Variants in PHLDB1 observed in about 807,000 individuals in gnomAD.
PHLDB1 encodes the protein pleckstrin homology-like domain family B member 1.
Under a neutral mutation model 139.3 loss-of-function variants are expected in PHLDB1, and 65 were observed. The ratio of observed to expected loss-of-function variants is 0.47; its 90% CI spans 0.38 to 0.57. The LOEUF (loss-of-function observed/expected upper bound fraction) is 0.57, where lower values mean the gene tolerates loss of function less well. PHLDB1 is among the 20% of genes least tolerant of loss of function. PHLDB1 has a pLI of 0.00. For synonymous variants in PHLDB1, 679 were observed against 734.5 expected (o/e 0.92, Z 1.22); for missense variants, 1,624 against 1,839.7 (o/e 0.88, Z 2.14).
chr11:118,618,041 A>G (rs940687605), intron 4 of PHLDB1, among the ~76,000 whole-genome samples: 4 of 151,960 alleles, frequency 2.6e-5, no homozygotes, highest in African/African-American at 9.7e-5. Context: ...TTTCCAATGC[A>G]TCATTTAGCT....
chr11:118,641,440 G>A (rs1946498729), intron 12 of PHLDB1: 4 of 248,080 alleles, frequency 1.6e-5, no homozygotes, highest in Non-Finnish European at 3.1e-5. Flanking sequence ...CTGGGGAGGG[G>A]CACGCCTTCT....
intron 17 of PHLDB1, 127 bp from the exon 18 acceptor site, chr11:118,647,803 A>G: frequency 1.0e-6 from 1 of 978,296 alleles, no homozygotes. Context: ...GTGGGCTTTG[A>G]AGATGATGCC....
rs1446602842 is a variant in PHLDB1 at position 118,608,528 on chromosome 11, G to A, written c.-22+829G>A. ...GGCTCGAGTGGGGACTTGGCCGGGC[G>A]ACCGCACAGCCCTGCCGGGGACCCA... On this transcript the variant is annotated intron_variant, in intron 1 of 22. Transcript: ENST00000600882. The surrounding 1 kb of genome is among the most constrained non-coding windows in gnomAD (Gnocchi z 6.7). Among the ~76,000 whole-genome samples, 1 of 152,106 alleles carries A rather than the reference G, an allele frequency of 6.6e-6. No homozygotes were observed. The highest frequency in any genetic ancestry group is 6.5e-5 in the Admixed American group (1 of 15,278).
chr11:118,607,216 T>G (rs1272380740), upstream of PHLDB1, among the ~76,000 whole-genome samples: 1 of 147,548 alleles, frequency 6.8e-6, no homozygotes, highest in Non-Finnish European at 1.5e-5. Flanking sequence ...AGGGGAGAGT[T>G]TGGGGGAGGG....
chr11:118,656,548 G>A, intron 22 of PHLDB1, 135 bp from the exon 23 acceptor site: 1 of 734,046 alleles, frequency 1.4e-6, no homozygotes, highest in Non-Finnish European at 2.3e-6. Flanking sequence ...TAGGGTCTAG[G>A]CTCTGGACCT....
At chr11:118,629,465 T>C (rs1392476600) in intron 6 of PHLDB1, among the ~76,000 whole-genome samples, 1 of 152,180 alleles carries the variant, frequency 6.6e-6, no homozygotes, top group Non-Finnish European at 1.5e-5. Flanking sequence ...GTCGAGCCCA[T>C]GTACAGAAGA....
At position 118,642,294 on chromosome 11, in the gene PHLDB1, G is replaced by A. The variant is rs1488756093; in HGVS notation, c.2777G>A (p.Trp926Ter). The change falls in exon 13 of 23, where the codon TGG becomes TAG. Residue 926 changes from tryptophan to a stop codon, truncating the protein, a stop_gained. Transcript: ENST00000600882. LOFTEE classifies it high-confidence loss of function. ...CTCCCTGCTGTAGACTTAGAGCAGT[G>A]GTACCAGGAGCTGATGGCCGGGCTG... ...LLLPAVDLEQ[W>*]YQELMAGLGT... 2 of 1,613,038 alleles carry A rather than the reference G, an allele frequency of 1.2e-6. No homozygotes were observed. The highest frequency in any genetic ancestry group is 1.1e-5 in the South Asian group (1 of 91,084).
intron 10 of PHLDB1, 125 bp from the exon 11 acceptor site, chr11:118,638,766 A>G (rs980227056): frequency 8.5e-6 from 6 of 706,300 alleles, no homozygotes; most frequent in Non-Finnish European, 1.4e-5. Flanking sequence ...GTTGAGGCCA[A>G]GCAGAAGAGC....
intron 20 of PHLDB1, 59 bp from the exon 21 acceptor site, chr11:118,655,546 A>T: frequency 9.3e-7 from 1 of 1,074,204 alleles, no homozygotes; most frequent in Non-Finnish European, 1.4e-6. Context: ...AGCTCCACGT[A>T]AATGGAGCTA....
intron 5 of PHLDB1, among the ~76,000 whole-genome samples, chr11:118,626,712 T>A (rs1943941938): frequency 6.7e-6 from 1 of 150,040 alleles, no homozygotes; most frequent in Non-Finnish European, 1.5e-5. Context: ...TCTTGCTGTG[T>A]CACCCAGGCA....
Position 118,655,672 on chromosome 11 carries a change from C to T in PHLDB1, c.3942C>T (p.His1314=), listed in dbSNP as rs200702816. Residue 1314 remains histidine, a synonymous_variant, in exon 21 of 23, where the codon CAC becomes CAT. Coordinates refer to ENST00000600882, the MANE Select transcript of PHLDB1 (RefSeq NM_001144758.3). Reference sequence around the variant, plus strand: ...CCATTGAGGAAGTGTACTACGACCACCTGCGCAGTGCAGCCAAGGTCAGGG... The same window carrying T: ...CCATTGAGGAAGTGTACTACGACCATCTGCGCAGTGCAGCCAAGGTCAGGG... ...FQAIEEVYYD[H]LRSAAKKRFF... is the part of the protein sequence containing the mutation. 1.0e-4 allele frequency: 165 copies of T among 1,612,146 alleles called. No homozygotes were observed. The highest frequency in any genetic ancestry group is 1.0e-4 in the Admixed American group (6 of 59,988).
At chr11:118,642,521 G>A in intron 13 of PHLDB1, 127 bp downstream of exon 13, 1 of 1,097,714 alleles carries the variant, frequency 9.1e-7, no homozygotes, top group Non-Finnish European at 1.3e-6. Context: ...GGCAATGAGG[G>A]CACCTCTGGG....
upstream of PHLDB1, among the ~76,000 whole-genome samples, chr11:118,607,220 G>C (rs145251579): frequency 6.6e-6 from 1 of 151,246 alleles, no homozygotes; most frequent in East Asian, 2.0e-4. Context: ...GAGAGTTTGG[G>C]GGAGGGAGAA....
intron 6 of PHLDB1, chr11:118,629,956 G>T (rs904615701): frequency 8.0e-7 from 1 of 1,257,760 alleles, no homozygotes; most frequent in Non-Finnish European, 1.0e-6. Flanking sequence ...CCTCAACCAG[G>T]CTGCTTATCT....
rs782130763 is a variant in PHLDB1, at chr11:118,650,124, C to T, written c.3702C>T (p.Asp1234=). The T allele has an allele frequency of 1.2e-6, 2 of 1,614,218 alleles. No individual in the cohort carries two copies. ...TGCCAATCCGGAAGGAGGACTTTGA[C>T]CTGAAGACACATATTGAGTCATCGG... ...RYLPIRKEDF[D]LKTHIESSGH... is the part of the protein sequence containing the mutation. The change falls in exon 19 of 23, where the codon GAC becomes GAT. Residue 1234 remains aspartate, a synonymous_variant. Coordinates refer to ENST00000600882, the MANE Select transcript of PHLDB1 (RefSeq NM_001144758.3). This position sits in a 1 kb window ranked among gnomAD's most constrained non-coding sequence, Gnocchi z 4.7.
intron 6 of PHLDB1, among the ~76,000 whole-genome samples, chr11:118,630,983 G>T (rs1270124441): frequency 6.7e-6 from 1 of 149,312 alleles, no homozygotes; most frequent in Non-Finnish European, 1.5e-5. Flanking sequence ...GTTATGCCAT[G>T]TGGGCATGTG....
chr11:118,644,898 C>T (rs527290), intron 15 of PHLDB1: 77,765 of 263,562 alleles, frequency 0.3, 12,643 homozygotes, highest in Admixed American at 0.43. Flanking sequence ...TTCTTTCTTG[C>T]GTTTGTTGCT....
intron 17 of PHLDB1, chr11:118,647,281 G>C (rs1947672318): frequency 6.6e-6 from 1 of 152,248 alleles, no homozygotes; most frequent in Non-Finnish European, 1.5e-5. Context: ...ACAATTGTAA[G>C]AGCCCCATTT....
At chr11:118,649,017 G>A (rs782778092) in intron 18 of PHLDB1, among the ~76,000 whole-genome samples, 4 of 152,164 alleles carry the variant, frequency 2.6e-5, no homozygotes, top group African/African-American at 4.8e-5. Flanking sequence ...AGTGGCTCAC[G>A]TCTGTAATCC....
Sources: gnomAD v4.1 joint callset for allele counts (sites outside exome capture counted in the v4.1 genomes callset) on GRCh38, gnomAD v4.1.1 for gene constraint, Gnocchi (gnomAD v3.1) non-coding constraint, MANE v1.5 for transcripts, NCBI Gene and HGNC (gene_info 2026-07-23, HGNC 2026-07-21) for gene names.